ABCB7: variants seen among roughly 807,000 people sequenced by gnomAD.
ABCB7 encodes iron-sulfur clusters transporter ABCB7, mitochondrial.
A neutral mutation model predicts 54.4 loss-of-function variants in ABCB7; 7 were observed. The ratio of observed to expected loss-of-function variants is 0.13; its 90% CI spans 0.07 to 0.24. ABCB7 has a LOEUF of 0.24. Ranked by LOEUF, ABCB7 falls within the 10% of genes least tolerant of loss-of-function variation. The pLI, the probability that ABCB7 is intolerant of heterozygous loss-of-function variation, is 1.00. For missense variants in ABCB7, 356 were observed against 570.4 expected (o/e 0.62, Z 3.83); for synonymous variants, 218 against 207.1 (o/e 1.05, Z -0.45).
At chrX:75,060,745 G>A (rs2081276301) in intron 14 of ABCB7, among the ~76,000 whole-genome samples, 1 of 111,712 alleles carries the variant, frequency 9.0e-6, no homozygotes, top group South Asian at 3.7e-4. Context: ...AAATAATCCA[G>A]AGATAGGGAG....
intron 4 of ABCB7, among the ~76,000 whole-genome samples, chrX:75,095,042 G>A (rs2081579031): frequency 9.1e-6 from 1 of 110,343 alleles, no homozygotes; most frequent in African/African-American, 3.3e-5. Context: ...GACAATGATA[G>A]CCTTAAGACC....
At chrX:75,099,925 AT>A (rs1480776948) in intron 3 of ABCB7, among the ~76,000 whole-genome samples, 3 of 110,572 alleles carry the variant, frequency 2.7e-5, no homozygotes, top group African/African-American at 9.8e-5. Flanking sequence ...GATACTGCTT[AT>A]TACTGCTGAG....
chrX:75,120,913 A>G (rs994294388), intron 1 of ABCB7, among the ~76,000 whole-genome samples: 5 of 110,892 alleles, frequency 4.5e-5, no homozygotes, highest in African/African-American at 1.6e-4. Context: ...ATTTGAGGGT[A>G]CAAACCCATG....
At chrX:75,069,167 G>A in intron 11 of ABCB7, 31 bp from the exon 12 acceptor site, 1 of 1,207,073 alleles carries the variant, frequency 8.3e-7, no homozygotes, top group Non-Finnish European at 1.1e-6. Flanking sequence ...AGGTTATTTA[G>A]CTCCTATTAA....
At chrX:75,067,449 GAC>G (rs1257066252) in intron 12 of ABCB7, among the ~76,000 whole-genome samples, 1 of 111,438 alleles carries the variant, frequency 9.0e-6, no homozygotes, top group Non-Finnish European at 1.9e-5. Context: ...CAGTTCACTT[GAC>G]ACACAGTTTA....
At chrX:75,078,365 A>G (rs2081428304) in intron 4 of ABCB7, among the ~76,000 whole-genome samples, 1 of 111,232 alleles carries the variant, frequency 9.0e-6, no homozygotes, top group Non-Finnish European at 1.9e-5. Flanking sequence ...CACTTTTATG[A>G]TATATTTCTG....
intron 14 of ABCB7, 59 bp from the exon 15 acceptor site, chrX:75,060,389 A>G: frequency 3.3e-6 from 3 of 898,250 alleles, no homozygotes; most frequent in Non-Finnish European, 4.9e-6. Context: ...CATTAGGCAA[A>G]TGTAAATTAA....
At chrX:75,103,836 C>T (rs1314632307) in intron 3 of ABCB7, among the ~76,000 whole-genome samples, 1 of 108,818 alleles carries the variant, frequency 9.2e-6, no homozygotes, top group Non-Finnish European at 1.9e-5. Context: ...GTAACTTTAC[C>T]AAATTTATTT....
chrX:75,100,719 TTTGA>T (rs2081632213), intron 3 of ABCB7, among the ~76,000 whole-genome samples: 1 of 111,851 alleles, frequency 8.9e-6, no homozygotes, highest in African/African-American at 3.2e-5. Flanking sequence ...AGTACAATTA[TTTGA>T]TTAATATCCA....
intron 1 of ABCB7, among the ~76,000 whole-genome samples, chrX:75,154,137 A>T (rs1470032730): frequency 2.7e-5 from 3 of 111,345 alleles, no homozygotes; most frequent in African/African-American, 9.8e-5. Context: ...GCCTTTAAGA[A>T]ACAGAAAACA....
Position 75,114,735 on chromosome X carries a change from CAT to C in ABCB7, c.246+17_246+18del, listed in dbSNP as rs2081793039. The C allele has an allele frequency of 2.5e-6, 3 of 1,184,456 alleles. No homozygotes were observed. Among genetic ancestry groups the C allele is most frequent in the Non-Finnish European group, 3.4e-6 (3 of 876,075 alleles). On this transcript the variant is annotated intron_variant, in intron 2 of 15. Transcript: ENST00000373394. ...CAGGTTTTTCCTAGCTATATGTAGA[CAT>C]GTTTGCTCAATCTTACCTTTGCAGC...
intron 4 of ABCB7, 29 bp downstream of exon 4, chrX:75,098,913 G>C: frequency 8.3e-7 from 1 of 1,210,028 alleles, no homozygotes; most frequent in Non-Finnish European, 1.1e-6. Flanking sequence ...TTCTTAGTTA[G>C]AGCAACCAAA....
chrX:75,145,455 A>G (rs1016675137), intron 1 of ABCB7, among the ~76,000 whole-genome samples: 9 of 112,349 alleles, frequency 8.0e-5, no homozygotes, highest in Non-Finnish European at 3.7e-5. Context: ...GATTCATCAC[A>G]TAAACAGAAG....
At chrX:75,108,176 CA>C (rs1805412639) in intron 3 of ABCB7, among the ~76,000 whole-genome samples, 1 of 111,147 alleles carries the variant, frequency 9.0e-6, no homozygotes, top group African/African-American at 3.3e-5. Flanking sequence ...GGCTCAGCCT[CA>C]GTATAACAGA....
At chrX:75,057,158 T>C (rs2081246843) in intron 15 of ABCB7, among the ~76,000 whole-genome samples, 1 of 111,938 alleles carries the variant, frequency 8.9e-6, no homozygotes. Context: ...TCATTCTCTT[T>C]TCCGTATCTC....
chrX:75,068,958 T>C, intron 12 of ABCB7, 49 bp downstream of exon 12: 3 of 1,174,385 alleles, frequency 2.6e-6, no homozygotes, highest in Non-Finnish European at 3.5e-6. Flanking sequence ...TACGGATTGA[T>C]CAACCCAATA....
chrX:75,091,976 A>G (rs2147494062), intron 4 of ABCB7, among the ~76,000 whole-genome samples: 1 of 111,666 alleles, frequency 9.0e-6, no homozygotes, highest in African/African-American at 3.2e-5. Flanking sequence ...AAGACTCAAT[A>G]TTGTTGAGAT....
chrX:75,064,446 T>C (rs1310299353), intron 13 of ABCB7, among the ~76,000 whole-genome samples: 1 of 110,392 alleles, frequency 9.1e-6, no homozygotes, highest in African/African-American at 3.4e-5. Context: ...AAAGAAACAT[T>C]TTTCTGTGTC....
At chrX:75,104,047 G>GTTGTTTTTTTTTTTTTTTT (rs2081663492) in intron 3 of ABCB7, among the ~76,000 whole-genome samples, 1 of 13,443 alleles carries the variant, frequency 7.4e-5, no homozygotes, top group Non-Finnish European at 1.7e-4. Context: ...TCTTGTTACA[G>GTTGTTTTTTTTTTTTTTTT]TTTTTTTTTT....
Sources: gnomAD v4.1 joint callset for allele counts (sites outside exome capture counted in the v4.1 genomes callset) on GRCh38, gnomAD v4.1.1 for gene constraint, MANE v1.5 for transcripts, NCBI Gene and HGNC (gene_info 2026-07-23, HGNC 2026-07-21) for gene names.